The following LONP2 variants were observed in gnomAD, a reference collection of about 807,000 sequenced individuals.
LONP2 encodes the protein lon protease homolog 2, peroxisomal.
A neutral mutation model predicts 85.6 loss-of-function variants in LONP2; 60 were observed. The ratio of observed to expected loss-of-function variants is 0.70; its 90% CI spans 0.57 to 0.87. The LOEUF (loss-of-function observed/expected upper bound fraction) is 0.87, where lower values mean the gene tolerates loss of function less well. LONP2 is among the 40% of genes least tolerant of loss of function. LONP2 has a pLI of 0.00. For synonymous variants in LONP2, 395 were observed against 389.7 expected, an observed-to-expected ratio of 1.01 and a Z score of -0.16; for missense variants, 860 against 1,063.5, an observed-to-expected ratio of 0.81 and a Z score of 2.66.
chr16:48,270,590 G>C (rs1485685916), intron 7 of LONP2, among the ~76,000 whole-genome samples: 1 of 152,042 alleles, frequency 6.6e-6, no homozygotes, highest in Non-Finnish European at 1.5e-5. Flanking sequence ...CAACCCAGTA[G>C]CATGCCATAA....
intron 11 of LONP2, among the ~76,000 whole-genome samples, chr16:48,333,401 T>C (rs1567346904): frequency 6.6e-6 from 1 of 152,202 alleles, no homozygotes; most frequent in African/African-American, 2.4e-5. Flanking sequence ...CTGCCAATTA[T>C]ATTTATTTAT....
intron 8 of LONP2, among the ~76,000 whole-genome samples, chr16:48,288,561 A>G (rs1293061541): frequency 6.6e-6 from 1 of 152,116 alleles, no homozygotes; most frequent in African/African-American, 2.4e-5. Flanking sequence ...GGAGGCTAGA[A>G]TTCCAAGACC....
At chr16:48,287,250 T>C (rs1440346209) in intron 8 of LONP2, among the ~76,000 whole-genome samples, 1 of 152,254 alleles carries the variant, frequency 6.6e-6, no homozygotes, top group Admixed American at 6.5e-5. Context: ...GATGAGCTTA[T>C]AGGGCCTTCT....
chr16:48,361,892 C>T (rs372944565), downstream of LONP2: 1 of 1,614,120 alleles, frequency 6.2e-7, no homozygotes, highest in Non-Finnish European at 8.5e-7. Flanking sequence ...ACTGCATCAT[C>T]ACCCAGTCAA....
downstream of LONP2, among the ~76,000 whole-genome samples, chr16:48,360,036 C>T (rs1268978837): frequency 6.6e-6 from 1 of 152,236 alleles, no homozygotes; most frequent in African/African-American, 2.4e-5. Context: ...TCGCTGGATG[C>T]TGATATGAGC....
At chr16:48,331,344 T>C (rs1959438533) in intron 11 of LONP2, among the ~76,000 whole-genome samples, 1 of 152,174 alleles carries the variant, frequency 6.6e-6, no homozygotes, top group Non-Finnish European at 1.5e-5. Context: ...ATCTCCCATT[T>C]CCACAAGCTG....
At chr16:48,282,703 C>G (rs927566099) in intron 8 of LONP2, among the ~76,000 whole-genome samples, 4 of 152,120 alleles carry the variant, frequency 2.6e-5, no homozygotes, top group African/African-American at 4.8e-5. Context: ...CAGGCATTCC[C>G]CTTTCTCTCT....
chr16:48,341,313 T>C (rs766221448), intron 12 of LONP2, among the ~76,000 whole-genome samples: 19 of 151,554 alleles, frequency 1.3e-4, no homozygotes, highest in Non-Finnish European at 2.5e-4. Context: ...AATAAATAAA[T>C]AAATAAATAA....
intron 2 of LONP2, among the ~76,000 whole-genome samples, chr16:48,254,557 GT>G (rs1364548940): frequency 1.3e-5 from 2 of 151,212 alleles, no homozygotes; most frequent in East Asian, 2.0e-4. Context: ...TAGAGATGAG[GT>G]TTCACCATGT....
chr16:48,287,619 C>T lies in LONP2; in HGVS notation c.1384-8396C>T, dbSNP rs541665906. On this transcript the variant is annotated intron_variant, in intron 8 of 14. Transcript: ENST00000285737. ...TGAAGGATTGTAATCCTTTTCTACC[C>T]CCTAACAGGATTGCTAGGCTACTGG... Among the ~76,000 whole-genome samples, 5 of 152,256 alleles carry T rather than the reference C, an allele frequency of 3.3e-5. No individual in the cohort carries two copies. The East Asian group carries it at 9.7e-4, about 29-fold the overall frequency.
rs74017915 is a variant in LONP2, at chr16:48,324,218, G to T, written c.1796-9998G>T. Among the ~76,000 whole-genome samples the T allele has an allele frequency of 1.4e-3, 212 of 152,222 alleles. 1 individual carries two copies. Among genetic ancestry groups the T allele is most frequent in the African/African-American group, 4.9e-3 (205 of 41,530 alleles). On this transcript the variant is annotated intron_variant, in intron 11 of 14. Coordinates refer to ENST00000285737, the MANE Select transcript of LONP2 (RefSeq NM_031490.5). Reference sequence around the variant, plus strand: ...ATTTTGTGCAATAAGAAAGCCACTCGAAATCTCAGCATTTCATGTCACTTT... The same window carrying T: ...ATTTTGTGCAATAAGAAAGCCACTCTAAATCTCAGCATTTCATGTCACTTT...
At chr16:48,266,217 C>G (rs1441227335) in intron 6 of LONP2, among the ~76,000 whole-genome samples, 1 of 151,928 alleles carries the variant, frequency 6.6e-6, no homozygotes, top group Non-Finnish European at 1.5e-5. Flanking sequence ...GTTGGACAGG[C>G]TAGTCTCGAA....
chr16:48,361,348 C>G (rs1960585499), downstream of LONP2: 12 of 449,524 alleles, frequency 2.7e-5, 1 homozygote, highest in South Asian at 3.8e-4. Flanking sequence ...AGATGCCCAT[C>G]TTGGGTGTAT....
At chr16:48,312,735 ATGT>A (rs1033210094) in intron 11 of LONP2, among the ~76,000 whole-genome samples, 3 of 152,164 alleles carry the variant, frequency 2.0e-5, no homozygotes, top group Non-Finnish European at 2.9e-5. Context: ...GTATCAATAG[ATGT>A]TGTAATGGGT....
At chr16:48,337,925 C>T (rs879927952) in intron 12 of LONP2, among the ~76,000 whole-genome samples, 4 of 152,166 alleles carry the variant, frequency 2.6e-5, no homozygotes, top group Admixed American at 6.5e-5. Context: ...ACTTCAGCCT[C>T]CTGAGTAGCT....
Position 48,355,636 on chromosome 16 carries a change from A to G in LONP2, c.*3834A>G, listed in dbSNP as rs1960316001. The G allele has an allele frequency of 6.6e-6, 1 of 152,206 alleles. No individual in the cohort carries two copies. Among genetic ancestry groups the G allele is most frequent in the Non-Finnish European group, 1.5e-5 (1 of 68,036 alleles). 9.4% of individuals were successfully genotyped at this position (152,206 alleles called of 1,614,324 possible). A position where few individuals can be genotyped will look rare whatever the true frequency, so the allele number is the denominator to read the frequency against. On this transcript the variant is annotated 3_prime_UTR_variant, in exon 15 of 15. Transcript: ENST00000285737. Reference sequence around the variant, plus strand: ...TTTGACATTCCTTCCAGCAATGCACAAATGTTCCAGTTTCTCCACATCCTT... The same window carrying G: ...TTTGACATTCCTTCCAGCAATGCACGAATGTTCCAGTTTCTCCACATCCTT...
At position 48,305,947 on chromosome 16, in the gene LONP2, T is replaced by A. The variant is rs115149045; in HGVS notation, c.1795+2642T>A. On this transcript the variant is annotated intron_variant, in intron 11 of 14. Coordinates refer to ENST00000285737, the MANE Select transcript of LONP2 (RefSeq NM_031490.5). ...ACTACCATTTATAGAAATTTGAATT[T>A]AAAAAAAATGTCCTAGGTGAGGGAG... 4.4e-3 allele frequency among the ~76,000 whole-genome samples: 668 copies of A among 152,134 alleles called. 7 individuals are homozygous for A. The highest frequency in any genetic ancestry group is 0.015 in the African/African-American group (638 of 41,510).
intron 4 of LONP2, among the ~76,000 whole-genome samples, 193 bp from the exon 5 acceptor site, chr16:48,261,231 C>T (rs1264149483): frequency 6.6e-6 from 1 of 152,074 alleles, no homozygotes; most frequent in African/African-American, 2.4e-5. Context: ...TTACGTTGGT[C>T]TACTTCTGCA....
intron 7 of LONP2, among the ~76,000 whole-genome samples, chr16:48,274,967 CCTAT>C (rs1372477236): frequency 6.6e-6 from 1 of 152,100 alleles, no homozygotes; most frequent in Non-Finnish European, 1.5e-5. Context: ...TGGTGAAATG[CCTAT>C]ATTTTTCTCT....
Sources: allele counts gnomAD v4.1 joint callset (sites outside exome capture counted in the v4.1 genomes callset), GRCh38; gene constraint gnomAD v4.1.1; transcripts MANE v1.5; gene names NCBI Gene and HGNC (gene_info 2026-07-23, HGNC 2026-07-21).